The following AMOTL1 variants were observed in gnomAD, a reference collection of about 807,000 sequenced individuals.
AMOTL1 encodes angiomotin-like protein 1.
AMOTL1 carries 45 observed loss-of-function variants against 102.9 expected under a neutral mutation model. The ratio of observed to expected loss-of-function variants is 0.44; its 90% CI spans 0.34 to 0.56. The LOEUF is 0.56. AMOTL1 is among the 20% of genes least tolerant of loss of function. The pLI, the probability that AMOTL1 is intolerant of heterozygous loss-of-function variation, is 0.01. For synonymous variants in AMOTL1, 481 were observed against 484.7 expected (o/e 0.99, Z 0.10); for missense variants, 1,114 against 1,225.6 (o/e 0.91, Z 1.36).
At position 94,870,986 on chromosome 11, in the gene AMOTL1, C is replaced by A; in HGVS notation, c.*191C>A. On this transcript the variant is annotated 3_prime_UTR_variant, in exon 13 of 13. Transcript: ENST00000433060. ...ACATGACTGAAGATAGAAGAGAATG[C>A]GATGGATTTTATTACACATGGTGGA... 2.1e-6 allele frequency: 1 copy of A among 479,838 alleles called. No individual in the cohort carries two copies. The highest frequency in any genetic ancestry group is 3.7e-6 in the Non-Finnish European group (1 of 273,462). The allele number at this position is 479,838 out of a possible 1,614,324, so 29.7% of individuals were successfully genotyped here.
At chr11:94,802,452 G>A (rs572013640) in intron 3 of AMOTL1, among the ~76,000 whole-genome samples, 3 of 152,270 alleles carry the variant, frequency 2.0e-5, no homozygotes, top group Admixed American at 6.5e-5. Flanking sequence ...TGTACATACC[G>A]TGCAATGCAT....
chr11:94,790,086 A>G (rs925849142), intron 1 of AMOTL1, among the ~76,000 whole-genome samples: 6 of 152,312 alleles, frequency 3.9e-5, no homozygotes, highest in South Asian at 2.1e-4. Flanking sequence ...GAAAGGTACA[A>G]GGAATTATCT....
intron 1 of AMOTL1, among the ~76,000 whole-genome samples, chr11:94,720,162 G>A (rs552402354): frequency 1.3e-5 from 2 of 152,204 alleles, no homozygotes; most frequent in South Asian, 4.1e-4. Context: ...GAGATTGAGA[G>A]CAAACAAGTC....
At chr11:94,819,473 G>A (rs1333277382) in intron 3 of AMOTL1, among the ~76,000 whole-genome samples, 1 of 152,164 alleles carries the variant, frequency 6.6e-6, no homozygotes, top group East Asian at 1.9e-4. Context: ...TAAGGTGTAA[G>A]TGACTATTCT....
chr11:94,769,719 C>T (rs1591947281), intron 1 of AMOTL1, among the ~76,000 whole-genome samples: 1 of 152,162 alleles, frequency 6.6e-6, no homozygotes, highest in Non-Finnish European at 1.5e-5. Context: ...CGTGCGGCCT[C>T]CTGAGACGAT....
At chr11:94,719,448 A>G (rs1950143223) in intron 1 of AMOTL1, among the ~76,000 whole-genome samples, 1 of 152,104 alleles carries the variant, frequency 6.6e-6, no homozygotes, top group African/African-American at 2.4e-5. Flanking sequence ...CAATCTATAT[A>G]CATAGTATAC....
intron 4 of AMOTL1, among the ~76,000 whole-genome samples, chr11:94,825,330 G>T (rs1272893304): frequency 6.6e-6 from 1 of 152,206 alleles, no homozygotes; most frequent in Admixed American, 6.5e-5. Flanking sequence ...TGCACAGCAG[G>T]CCTTTCTTTG....
chr11:94,709,859 G>A (rs1306194286), intron 1 of AMOTL1, among the ~76,000 whole-genome samples: 2 of 152,264 alleles, frequency 1.3e-5, no homozygotes, highest in Non-Finnish European at 2.9e-5. Context: ...GAAGCCGGCT[G>A]AGATCAAGCC....
upstream of AMOTL1, among the ~76,000 whole-genome samples, chr11:94,765,381 T>C (rs1206695944): frequency 6.6e-6 from 1 of 152,228 alleles, no homozygotes; most frequent in Non-Finnish European, 1.5e-5. Flanking sequence ...AAAGATGTTA[T>C]TGATAACTTC....
In AMOTL1 at chr11:94,840,850, T is replaced by C. The variant is rs143208755; in HGVS notation, c.1649-9264T>C. Reference sequence around the variant, plus strand: ...CCTATATTGATTTCAATTAAGACATTATTTACATCCAGTAAAATTTACACA... The same window carrying C: ...CCTATATTGATTTCAATTAAGACATCATTTACATCCAGTAAAATTTACACA... On this transcript the variant is annotated intron_variant, in intron 6 of 12. Transcript: ENST00000433060. 1.3e-3 allele frequency among the ~76,000 whole-genome samples: 203 copies of C among 151,988 alleles called. 1 individual carries two copies. The highest frequency in any genetic ancestry group is 4.6e-3 in the African/African-American group (191 of 41,424).
At chr11:94,766,420 G>A (rs577528896), upstream of AMOTL1, among the ~76,000 whole-genome samples, 150 of 152,288 alleles carry the variant, frequency 9.8e-4, no homozygotes, top group African/African-American at 2.0e-3. Context: ...CTTGCTCAGC[G>A]TCACACAGAT....
At chr11:94,743,028 T>C (rs1238077248) in intron 3 of AMOTL1, among the ~76,000 whole-genome samples, 1 of 152,182 alleles carries the variant, frequency 6.6e-6, no homozygotes, top group Non-Finnish European at 1.5e-5. Flanking sequence ...GGGATATAAA[T>C]ATTCAGTCTA....
intron 3 of AMOTL1, among the ~76,000 whole-genome samples, chr11:94,756,656 A>G (rs1334730794): frequency 8.5e-5 from 13 of 152,134 alleles, no homozygotes; most frequent in Admixed American, 8.5e-4. Context: ...TCTATTCCTC[A>G]TTTCTTTCTA....
At chr11:94,710,124 T>A (rs150619162) in intron 1 of AMOTL1, among the ~76,000 whole-genome samples, 2 of 152,316 alleles carry the variant, frequency 1.3e-5, no homozygotes, top group East Asian at 3.9e-4. Context: ...GCTGAAGATC[T>A]GCCTTGCCTG....
intron 1 of AMOTL1, among the ~76,000 whole-genome samples, chr11:94,714,740 T>G (rs1191612082): frequency 6.6e-6 from 1 of 152,088 alleles, no homozygotes; most frequent in Non-Finnish European, 1.5e-5. Flanking sequence ...TATTGGTAAT[T>G]TGTGTCTTCT....
At position 94,707,214 on chromosome 11, in the gene AMOTL1, GTCTCTCTCTCTCTCTC is replaced by G. The variant is rs56290112; in HGVS notation, c.-51+639_-51+654del. 1.2e-4 allele frequency among the ~76,000 whole-genome samples: 16 copies of G among 132,336 alleles called. No homozygotes were observed. In the South Asian group the frequency reaches 1.4e-3, roughly 11 times the overall value. The allele number at this position is 132,336 out of a possible 152,430, so 86.8% of individuals were successfully genotyped here. A position where few individuals can be genotyped will look rare whatever the true frequency, so the allele number is the denominator to read the frequency against. On this transcript the variant is annotated intron_variant, in intron 1 of 4. Coordinates refer to the AMOTL1 transcript ENST00000299004. ...GTTCTTCCAAGAAAATATACATGAG[GTCTCTCTCTCTCTCTC>G]TCTCTCTCTCTCTCTCTCTCTGTGT...
At chr11:94,708,918 C>T (rs921843707) in intron 1 of AMOTL1, among the ~76,000 whole-genome samples, 3 of 152,070 alleles carry the variant, frequency 2.0e-5, no homozygotes, top group Admixed American at 6.6e-5. Flanking sequence ...CAAATACCTG[C>T]GGACAGAGTG....
chr11:94,829,797 GGACTTTTACAAGGT>G, intron 4 of AMOTL1, among the ~76,000 whole-genome samples: 1 of 152,260 alleles, frequency 6.6e-6, no homozygotes, highest in African/African-American at 2.4e-5. Flanking sequence ...TGGTACAGAG[GGACTTTTACAAGGT>G]GACATCAGAC....
intron 3 of AMOTL1, among the ~76,000 whole-genome samples, chr11:94,802,002 G>A (rs1951486829): frequency 6.6e-6 from 1 of 152,214 alleles, no homozygotes; most frequent in Admixed American, 6.5e-5. Context: ...TCTGAAAAAG[G>A]AGAGGCTGGA....
Sources: allele counts gnomAD v4.1 joint callset (sites outside exome capture counted in the v4.1 genomes callset), GRCh38; gene constraint gnomAD v4.1.1; transcripts MANE v1.5; gene names NCBI Gene and HGNC (gene_info 2026-07-23, HGNC 2026-07-21).